The following ATP8A2 variants were observed in gnomAD, a reference collection of about 807,000 sequenced individuals.
ATP8A2 encodes the protein phospholipid-transporting ATPase IB.
In ATP8A2, 100 loss-of-function variants were observed where a neutral mutation model predicts 165.6. The observed-to-expected ratio is 0.60, with a 90% CI of 0.51 to 0.71. ATP8A2 has a LOEUF of 0.71. ATP8A2 is among the 30% of genes least tolerant of loss of function. The pLI, the probability that ATP8A2 is intolerant of heterozygous loss-of-function variation, is 0.00. For synonymous variants in ATP8A2, 543 were observed against 548.8 expected, an observed-to-expected ratio of 0.99 and a Z score of 0.15; for missense variants, 1,227 against 1,479.5, an observed-to-expected ratio of 0.83 and a Z score of 2.80.
intron 24 of ATP8A2, among the ~76,000 whole-genome samples, chr13:25,662,838 A>G (rs867526838): frequency 6.6e-6 from 1 of 152,214 alleles, no homozygotes; most frequent in South Asian, 2.1e-4. Context: ...TGCATGCAGC[A>G]TCCTTTTAGA....
At chr13:25,399,702 C>T (rs1394781291) in intron 1 of ATP8A2, among the ~76,000 whole-genome samples, 4 of 151,536 alleles carry the variant, frequency 2.6e-5, no homozygotes, top group Admixed American at 6.6e-5. Flanking sequence ...GCGCCCGGCC[C>T]GTGGTTCTTC....
At chr13:25,766,169 G>A (rs1241121144) in intron 25 of ATP8A2, among the ~76,000 whole-genome samples, 1 of 152,186 alleles carries the variant, frequency 6.6e-6, no homozygotes. Context: ...CTCAGTGAAT[G>A]AATGATTTTA....
chr13:25,657,796 T>C (rs1156474096), intron 24 of ATP8A2, among the ~76,000 whole-genome samples: 2 of 152,258 alleles, frequency 1.3e-5, no homozygotes. Flanking sequence ...ATACCTACTG[T>C]GTGCGTTAAC....
intron 24 of ATP8A2, among the ~76,000 whole-genome samples, chr13:25,654,269 G>A (rs541270921): frequency 3.9e-5 from 6 of 152,142 alleles, no homozygotes; most frequent in East Asian, 1.9e-4. Flanking sequence ...GCAGTGGCAC[G>A]ATAAGGGCTC....
intron 28 of ATP8A2, among the ~76,000 whole-genome samples, chr13:25,831,274 G>A (rs1361780445): frequency 3.3e-5 from 5 of 150,274 alleles, no homozygotes; most frequent in Non-Finnish European, 7.4e-5. Context: ...GAGTGCAGTG[G>A]TGCAATCTCA....
At chr13:25,383,325 A>G (rs574222178) in intron 1 of ATP8A2, among the ~76,000 whole-genome samples, 1 of 151,704 alleles carries the variant, frequency 6.6e-6, no homozygotes, top group East Asian at 1.9e-4. Context: ...GGATGGTCTC[A>G]ATCTCCTGAC....
At chr13:25,780,203 AG>A (rs1379714186) in intron 27 of ATP8A2, among the ~76,000 whole-genome samples, 1 of 151,848 alleles carries the variant, frequency 6.6e-6, no homozygotes, top group Non-Finnish European at 1.5e-5. Flanking sequence ...GTATAACATA[AG>A]GAAGATATGC....
chr13:25,798,445 A>G (rs767099467), intron 27 of ATP8A2, among the ~76,000 whole-genome samples: 1 of 152,212 alleles, frequency 6.6e-6, no homozygotes, highest in African/African-American at 2.4e-5. Context: ...GTCTGTGGTC[A>G]TGCACTTTGA....
chr13:25,907,230 A>G (rs1235311238), intron 33 of ATP8A2, among the ~76,000 whole-genome samples: 1 of 152,024 alleles, frequency 6.6e-6, no homozygotes, highest in Non-Finnish European at 1.5e-5. Context: ...AGCCTGGGCG[A>G]CAGAGCGAGA....
intron 35 of ATP8A2, among the ~76,000 whole-genome samples, chr13:25,969,366 T>C (rs934585860): frequency 1.3e-5 from 2 of 152,202 alleles, no homozygotes; most frequent in African/African-American, 4.8e-5. Context: ...GGAAATTTCT[T>C]TGGGCCTGAG....
chr13:25,504,519 T>A (rs112434810), intron 2 of ATP8A2, among the ~76,000 whole-genome samples: 1 of 146,408 alleles, frequency 6.8e-6, no homozygotes, highest in East Asian at 2.0e-4. Context: ...GGCGGGTGGA[T>A]CATGAGGTCA....
At chr13:25,381,978 C>T (rs1374456807) in intron 1 of ATP8A2, among the ~76,000 whole-genome samples, 1 of 152,186 alleles carries the variant, frequency 6.6e-6, no homozygotes, top group Non-Finnish European at 1.5e-5. Flanking sequence ...ACCATGATGT[C>T]ACACTGTGTC....
chr13:25,422,118 C>T (rs1406855308), intron 1 of ATP8A2, among the ~76,000 whole-genome samples: 1 of 152,034 alleles, frequency 6.6e-6, no homozygotes, highest in East Asian at 1.9e-4. Flanking sequence ...TATCATTGCC[C>T]CCTCTTTTTT....
intron 24 of ATP8A2, among the ~76,000 whole-genome samples, chr13:25,599,501 A>G (rs2040325522): frequency 6.6e-6 from 1 of 152,200 alleles, no homozygotes; most frequent in African/African-American, 2.4e-5. Context: ...TAAATCTTGT[A>G]TACTAGTTAC....
At chr13:25,640,725 A>G (rs1461944187) in intron 24 of ATP8A2, among the ~76,000 whole-genome samples, 1 of 152,188 alleles carries the variant, frequency 6.6e-6, no homozygotes, top group East Asian at 1.9e-4. Context: ...ATCAATAGAA[A>G]AAGAGGGAAT....
intron 18 of ATP8A2, among the ~76,000 whole-genome samples, chr13:25,573,664 CTGTG>C (rs10540551): frequency 0.12 from 18,199 of 152,118 alleles, 1,310 homozygotes; most frequent in Non-Finnish European, 0.18. Context: ...GTTGATATAA[CTGTG>C]AGAGAGGGGG....
intron 2 of ATP8A2, among the ~76,000 whole-genome samples, chr13:25,491,019 A>G (rs892218233): frequency 3.3e-5 from 5 of 151,624 alleles, no homozygotes; most frequent in Non-Finnish European, 5.9e-5. Context: ...TGCTGGGATT[A>G]CAGTCACAAG....
chr13:25,853,145 T>C (rs1341971214), intron 30 of ATP8A2, among the ~76,000 whole-genome samples: 5 of 151,698 alleles, frequency 3.3e-5, no homozygotes, highest in Admixed American at 2.6e-4. Context: ...TTCCAGCACT[T>C]TGGGGGGCTG....
At chr13:25,441,007 T>C (rs982791686) in intron 1 of ATP8A2, among the ~76,000 whole-genome samples, 10 of 152,186 alleles carry the variant, frequency 6.6e-5, no homozygotes, top group African/African-American at 1.9e-4. Context: ...TAGTATTCTG[T>C]GGTCTTGGAA....
Sources: allele counts gnomAD v4.1 joint callset (sites outside exome capture counted in the v4.1 genomes callset), GRCh38; gene constraint gnomAD v4.1.1; transcripts MANE v1.5; gene names NCBI Gene and HGNC (gene_info 2026-07-23, HGNC 2026-07-21).